PTPRD: variants seen among roughly 807,000 people sequenced by gnomAD.
The protein encoded by PTPRD is receptor-type tyrosine-protein phosphatase delta.
In PTPRD, 34 loss-of-function variants were observed where a neutral mutation model predicts 214.5. The observed-to-expected ratio is 0.16, with a 90% CI of 0.12 to 0.21. PTPRD has a LOEUF of 0.21. Ranked by LOEUF, PTPRD falls within the 10% of genes least tolerant of loss-of-function variation. The probability of loss-of-function intolerance (pLI) is 1.00; values close to 1 mark genes in which losing one functional copy is unlikely to be tolerated. For missense variants in PTPRD, 2,545 were observed against 2,398.7 expected, an observed-to-expected ratio of 1.06 and a Z score of -1.27; for synonymous variants, 1,128 against 845.7, an observed-to-expected ratio of 1.33 and a Z score of -5.79.
intron 7 of PTPRD, among the ~76,000 whole-genome samples, chr9:9,680,221 G>T (rs1362972170): frequency 6.6e-6 from 1 of 151,724 alleles, no homozygotes; most frequent in East Asian, 1.9e-4. Flanking sequence ...TGATAAAAAA[G>T]CCTTTATCTT....
At position 9,758,520 on chromosome 9, in the gene PTPRD, C is replaced by T. The variant is rs559736082; in HGVS notation, c.-326+8290G>A. On this transcript the variant is annotated intron_variant, in intron 6 of 45. Transcript: ENST00000381196. ...CACCAAATGATTGTGAGAGAGGCAG[C>T]GTGTGAGTTCCAGGTTCTCAGAAAG... Among the ~76,000 whole-genome samples, 6 of 152,186 alleles carry T rather than the reference C, an allele frequency of 3.9e-5. No homozygotes were observed. The South Asian group carries it at 8.3e-4, about 21-fold the overall frequency.
intron 8 of PTPRD, among the ~76,000 whole-genome samples, chr9:9,524,202 G>C (rs528061796): frequency 6.6e-6 from 1 of 152,070 alleles, no homozygotes; most frequent in Non-Finnish European, 1.5e-5. Flanking sequence ...GGGAGCCCTT[G>C]GGTACAGCTG....
intron 39 of PTPRD, among the ~76,000 whole-genome samples, chr9:8,361,266 T>A (rs1317971465): frequency 6.6e-6 from 1 of 152,204 alleles, no homozygotes. Flanking sequence ...ATGTGAAACT[T>A]AGAATGTCAA....
At chr9:8,728,602 A>T (rs1303735290) in intron 12 of PTPRD, among the ~76,000 whole-genome samples, 1 of 152,258 alleles carries the variant, frequency 6.6e-6, no homozygotes, top group Non-Finnish European at 1.5e-5. Context: ...TTCCTTTCCT[A>T]ACTTTTTTGG....
chr9:10,119,259 T>A (rs1223300766), intron 3 of PTPRD, among the ~76,000 whole-genome samples: 3 of 151,956 alleles, frequency 2.0e-5, no homozygotes, highest in Non-Finnish European at 4.4e-5. Context: ...GAGATTATTA[T>A]CTCCATACCC....
chr9:10,418,214 T>C (rs2098511585), intron 2 of PTPRD, among the ~76,000 whole-genome samples: 4 of 151,884 alleles, frequency 2.6e-5, no homozygotes, highest in Non-Finnish European at 4.4e-5. Context: ...AATCTATTAA[T>C]GCAGCAAAAG....
rs1325236198 is a variant in PTPRD, at chr9:9,248,283, G to A, written c.-202-64920C>T. Among the ~76,000 whole-genome samples, 10 of 151,924 alleles carry A rather than the reference G, an allele frequency of 6.6e-5. No individual in the cohort carries two copies. In the South Asian group the frequency reaches 1.7e-3, roughly 25 times the overall value. On this transcript the variant is annotated intron_variant, in intron 9 of 45. Transcript: ENST00000381196. ...AATTTTTGTATTTTTTAGTAGAGAT[G>A]GGGTTTCACCATGTGGGCCAGGCTA...
chr9:9,626,436 T>C (rs1400790235), intron 7 of PTPRD, among the ~76,000 whole-genome samples: 1 of 152,198 alleles, frequency 6.6e-6, no homozygotes, highest in African/African-American at 2.4e-5. Flanking sequence ...TTCATGTACA[T>C]GCAAATTCTT....
intron 2 of PTPRD, among the ~76,000 whole-genome samples, chr9:10,472,249 C>G (rs2131749027): frequency 6.6e-6 from 1 of 152,098 alleles, no homozygotes; most frequent in East Asian, 1.9e-4. Context: ...CATAATGAAC[C>G]TCTTTTTCAA....
chr9:8,484,260 C>G lies in PTPRD; in HGVS notation c.3272G>C (p.Ser1091Thr), dbSNP rs537959261. 2.5e-6 allele frequency: 4 copies of G among 1,614,146 alleles called. No homozygotes were observed. Among genetic ancestry groups the G allele is most frequent in the Non-Finnish European group, 3.4e-6 (4 of 1,180,016 alleles). Reference sequence around the variant, plus strand: ...GACCCTGTGCTGCAGCCCACCAGCACTGTTTCCACGATTTGTCAGCACAAA... The same window carrying G: ...GACCCTGTGCTGCAGCCCACCAGCAGTGTTTCCACGATTTGTCAGCACAAA... ...YSFVLTNRGN[S>T]AGGLQHRVTA... Residue 1091 changes from serine (S) to threonine (T), a missense_variant, in exon 30 of 46, where the codon AGT becomes ACT. Physicochemically the swap from Ser to Thr is moderately conservative, Grantham distance 58. Transcript: ENST00000381196.
At chr9:8,729,191 G>A (rs1396370900) in intron 12 of PTPRD, among the ~76,000 whole-genome samples, 6 of 151,990 alleles carry the variant, frequency 3.9e-5, no homozygotes, top group South Asian at 2.1e-4. Flanking sequence ...CAGAGGAAAC[G>A]CCTTCTACTA....
At chr9:9,211,097 A>G (rs1191960344) in intron 9 of PTPRD, among the ~76,000 whole-genome samples, 1 of 149,470 alleles carries the variant, frequency 6.7e-6, no homozygotes, top group Non-Finnish European at 1.5e-5. Context: ...GTGTGTGTGT[A>G]TGTTTGTGTT....
chr9:8,679,332 C>G (rs1596748408), intron 12 of PTPRD, among the ~76,000 whole-genome samples: 1 of 152,166 alleles, frequency 6.6e-6, no homozygotes, highest in Non-Finnish European at 1.5e-5. Flanking sequence ...CTCCAAATTC[C>G]TATTTCTAAA....
At chr9:9,936,788 C>T (rs200409974) in intron 5 of PTPRD, among the ~76,000 whole-genome samples, 38,069 of 127,600 alleles carry the variant, frequency 0.3, 5,910 homozygotes, top group East Asian at 0.69. Flanking sequence ...ATGTTTATTG[C>T]GGCATTATTC....
Position 9,804,107 on chromosome 9 carries a change from C to G in PTPRD, c.-367-37256G>C, listed in dbSNP as rs1565392325. On this transcript the variant is annotated intron_variant, in intron 5 of 45. Coordinates refer to ENST00000381196, the MANE Select transcript of PTPRD (RefSeq NM_002839.4). ...AGATTATCTGATGGCTGTTTTTGAT[C>G]AGCTTCTAACCTCAAGAAAAACTAT... Among the ~76,000 whole-genome samples, 3 of 151,986 alleles carry G rather than the reference C, an allele frequency of 2.0e-5. No individual in the cohort carries two copies. The South Asian group carries it at 6.2e-4, about 32-fold the overall frequency.
chr9:8,341,402 T>C (rs1852300427), intron 40 of PTPRD, 134 bp from the exon 41 acceptor site: 14 of 976,164 alleles, frequency 1.4e-5, no homozygotes, highest in East Asian at 2.5e-5. Flanking sequence ...ACTATTCAAA[T>C]TGTACTGCTT....
At chr9:10,097,618 T>A (rs1164206265) in intron 3 of PTPRD, among the ~76,000 whole-genome samples, 2 of 151,698 alleles carry the variant, frequency 1.3e-5, no homozygotes, top group Non-Finnish European at 2.9e-5. Flanking sequence ...AAGTTGCTTA[T>A]CAGCTTAAGG....
chr9:10,056,188 G>T (rs965650248), intron 3 of PTPRD, among the ~76,000 whole-genome samples: 2 of 151,920 alleles, frequency 1.3e-5, no homozygotes, highest in Non-Finnish European at 2.9e-5. Flanking sequence ...AGACATGGTG[G>T]CATGTGCCTG....
chr9:8,856,226 C>A (rs1176449253), intron 11 of PTPRD, among the ~76,000 whole-genome samples: 1 of 152,122 alleles, frequency 6.6e-6, no homozygotes, highest in Non-Finnish European at 1.5e-5. Context: ...CTACAGATCC[C>A]TTTACATCAG....
Sources: gnomAD v4.1 joint callset for allele counts (sites outside exome capture counted in the v4.1 genomes callset) on GRCh38, gnomAD v4.1.1 for gene constraint, MANE v1.5 for transcripts, NCBI Gene and HGNC (gene_info 2026-07-23, HGNC 2026-07-21) for gene names.